Variants in CTNNA2 observed in about 807,000 individuals in gnomAD.
The protein encoded by CTNNA2 is catenin alpha 2.
A neutral mutation model predicts 101.0 loss-of-function variants in CTNNA2; 42 were observed. The ratio of observed to expected loss-of-function variants is 0.42; its 90% CI spans 0.32 to 0.54. The LOEUF is 0.54. Among genes scored for constraint, CTNNA2 ranks in the 20% least tolerant of loss-of-function variants. The pLI, the probability that CTNNA2 is intolerant of heterozygous loss-of-function variation, is 0.14. For synonymous variants in CTNNA2, 450 were observed against 456.4 expected (o/e 0.99, Z 0.18); for missense variants, 871 against 1,223.1 (o/e 0.71, Z 4.29).
intron 7 of CTNNA2, among the ~76,000 whole-genome samples, chr2:80,109,673 A>G (rs1220293585): frequency 6.6e-6 from 1 of 152,174 alleles, no homozygotes; most frequent in Non-Finnish European, 1.5e-5. Flanking sequence ...GTGGAAACAC[A>G]TGCTCTGATC....
intron 9 of CTNNA2, among the ~76,000 whole-genome samples, chr2:80,534,432 A>G (rs2149602031): frequency 6.6e-6 from 1 of 152,302 alleles, no homozygotes; most frequent in East Asian, 1.9e-4. Flanking sequence ...ATGTATGACT[A>G]AGTTATGACA....
intron 18 of CTNNA2, among the ~76,000 whole-genome samples, chr2:80,638,753 A>AAGAC (rs1163670655): frequency 6.6e-6 from 1 of 152,250 alleles, no homozygotes; most frequent in Non-Finnish European, 1.5e-5. Context: ...AATGCAAATG[A>AAGAC]AGACAGTTAA....
At chr2:79,912,507 AGTG>A (rs1366300741) in intron 7 of CTNNA2, among the ~76,000 whole-genome samples, 4 of 152,246 alleles carry the variant, frequency 2.6e-5, no homozygotes, top group African/African-American at 7.2e-5. Context: ...AGTTAAAAGA[AGTG>A]GTGATATTTG....
At chr2:79,898,713 G>A (rs1354229723) in intron 6 of CTNNA2, among the ~76,000 whole-genome samples, 1 of 152,090 alleles carries the variant, frequency 6.6e-6, no homozygotes, top group African/African-American at 2.4e-5. Context: ...TTAGGTTTTG[G>A]AGGAAAATGA....
intron 7 of CTNNA2, among the ~76,000 whole-genome samples, chr2:80,355,125 C>A (rs2149305330): frequency 6.6e-6 from 1 of 152,256 alleles, no homozygotes; most frequent in African/African-American, 2.4e-5. Flanking sequence ...GAATCTTCTT[C>A]CTAATTGTAG....
chr2:79,338,645 A>ATTCTT (rs1467280230), intron 3 of CTNNA2, among the ~76,000 whole-genome samples: 20 of 53,950 alleles, frequency 3.7e-4, no homozygotes, highest in Admixed American at 1.2e-3. Flanking sequence ...TTCTTCTTCA[A>ATTCTT]AGATTCCTCT....
At chr2:80,095,598 C>T (rs924635072) in intron 7 of CTNNA2, among the ~76,000 whole-genome samples, 1 of 152,114 alleles carries the variant, frequency 6.6e-6, no homozygotes, top group African/African-American at 2.4e-5. Context: ...TTCCTTGTAC[C>T]TCTAGTAGAA....
chr2:79,626,230 A>G (rs952049177), intron 1 of CTNNA2, among the ~76,000 whole-genome samples: 4 of 152,156 alleles, frequency 2.6e-5, no homozygotes, highest in African/African-American at 4.8e-5. Context: ...CTGTGATACA[A>G]TGTGCTCTGT....
At chr2:79,773,005 C>T (rs1040349797) in intron 3 of CTNNA2, among the ~76,000 whole-genome samples, 1 of 152,156 alleles carries the variant, frequency 6.6e-6, no homozygotes. Flanking sequence ...AGGTTTAGGG[C>T]TTGCTTGCTT....
intron 4 of CTNNA2, among the ~76,000 whole-genome samples, chr2:79,396,563 T>C (rs966311295): frequency 2.0e-5 from 3 of 152,158 alleles, no homozygotes; most frequent in East Asian, 1.9e-4. Flanking sequence ...TTCGACTGTC[T>C]TCCAACCCAA....
intron 7 of CTNNA2, among the ~76,000 whole-genome samples, chr2:80,285,522 C>T (rs74333995): frequency 0.012 from 1,873 of 152,214 alleles, 31 homozygotes; most frequent in African/African-American, 0.041. Context: ...CCAGGGGATC[C>T]ATGGAGAGGT....
In CTNNA2 at chr2:79,608,401, C is replaced by T. The variant is rs144162044; in HGVS notation, c.-5-43151C>T. Among the ~76,000 whole-genome samples the T allele has an allele frequency of 1.2e-3, 189 of 152,158 alleles. 1 individual carries two copies. Among genetic ancestry groups the T allele is most frequent in the Middle Eastern group, 3.4e-3 (1 of 294 alleles). On this transcript the variant is annotated intron_variant, in intron 1 of 18. Transcript: ENST00000402739. ...TTGAAGATAAGGTAGTCATTTTTAT[C>T]TCATTCTATATGGCCAGCATTACCT...
intron 3 of CTNNA2, among the ~76,000 whole-genome samples, chr2:79,816,240 C>T (rs181973204): frequency 6.6e-6 from 1 of 152,134 alleles, no homozygotes; most frequent in East Asian, 1.9e-4. Context: ...TTTGGATGCT[C>T]TTTATTTCTT....
intron 2 of CTNNA2, among the ~76,000 whole-genome samples, chr2:79,738,402 G>A (rs1233201815): frequency 1.3e-5 from 2 of 152,168 alleles, no homozygotes; most frequent in African/African-American, 4.8e-5. Flanking sequence ...GCAGAGAGGA[G>A]GACGTTGAAG....
At chr2:79,899,291 G>A (rs987994296) in intron 6 of CTNNA2, among the ~76,000 whole-genome samples, 3 of 152,052 alleles carry the variant, frequency 2.0e-5, no homozygotes, top group Non-Finnish European at 4.4e-5. Context: ...ATAAAGCTAA[G>A]GATTATTATC....
intron 7 of CTNNA2, among the ~76,000 whole-genome samples, chr2:79,920,310 C>T (rs1686565875): frequency 6.6e-6 from 1 of 152,202 alleles, no homozygotes; most frequent in African/African-American, 2.4e-5. Flanking sequence ...ATATGTTGCT[C>T]TTGACTACAT....
At chr2:79,344,292 A>G (rs951142847) in intron 3 of CTNNA2, among the ~76,000 whole-genome samples, 5 of 152,194 alleles carry the variant, frequency 3.3e-5, no homozygotes, top group African/African-American at 4.8e-5. Context: ...TTTTATTTCA[A>G]TGCAAGAATC....
At chr2:80,298,740 T>A (rs1675984088) in intron 7 of CTNNA2, 1 of 152,242 alleles carries the variant, frequency 6.6e-6, no homozygotes, top group African/African-American at 2.4e-5. Context: ...AGAATATTTT[T>A]AAATGGTTGA....
At chr2:80,377,779 G>A (rs372104438) in intron 7 of CTNNA2, among the ~76,000 whole-genome samples, 9 of 152,150 alleles carry the variant, frequency 5.9e-5, no homozygotes, top group East Asian at 1.9e-4. Flanking sequence ...ACACATGGCC[G>A]GATAGGTAGC....
Sources: allele counts gnomAD v4.1 joint callset (sites outside exome capture counted in the v4.1 genomes callset), GRCh38; gene constraint gnomAD v4.1.1; transcripts MANE v1.5; gene names NCBI Gene and HGNC (gene_info 2026-07-23, HGNC 2026-07-21).